The following KCNQ5 variants were observed in gnomAD, a reference collection of about 807,000 sequenced individuals.
KCNQ5 encodes the protein potassium voltage-gated channel subfamily KQT member 5.
A neutral mutation model predicts 98.2 loss-of-function variants in KCNQ5; 30 were observed. That is an observed-to-expected ratio of 0.31 (90% CI 0.23 to 0.41). The LOEUF (loss-of-function observed/expected upper bound fraction) is 0.41. KCNQ5 is among the 10% of genes least tolerant of loss of function. The pLI is 1.00. For missense variants in KCNQ5, 835 were observed against 1,182.5 expected (o/e 0.71, Z 4.31); for synonymous variants, 458 against 449.4 (o/e 1.02, Z -0.24).
intron 1 of KCNQ5, among the ~76,000 whole-genome samples, chr6:72,793,349 C>G (rs575673348): frequency 6.6e-6 from 1 of 152,272 alleles, no homozygotes; most frequent in South Asian, 2.1e-4. Flanking sequence ...GATGGCAGCA[C>G]AGCTTGTGGC....
At position 72,749,640 on chromosome 6, in the gene KCNQ5, A is replaced by G. The variant is rs78450679; in HGVS notation, c.398+127053A>G. Among the ~76,000 whole-genome samples the G allele has an allele frequency of 4.3e-3, 648 of 152,226 alleles. 7 individuals carry two copies. Among genetic ancestry groups the G allele is most frequent in the African/African-American group, 0.015 (606 of 41,550 alleles). ...AGAAAAGGGACAGGGAAATAGTCCAATCATAGGTAGGTGGATGGAAAAATA... is the reference window on the plus strand; with the variant it reads ...AGAAAAGGGACAGGGAAATAGTCCAGTCATAGGTAGGTGGATGGAAAAATA... On this transcript the variant is annotated intron_variant, in intron 1 of 13. Transcript: ENST00000370398.
chr6:72,686,248 G>C (rs922740199), intron 1 of KCNQ5, among the ~76,000 whole-genome samples: 1 of 152,012 alleles, frequency 6.6e-6, no homozygotes, highest in Non-Finnish European at 1.5e-5. Context: ...CTTCACATAG[G>C]GTCCTACCCG....
At chr6:72,728,602 T>C (rs1770402985) in intron 1 of KCNQ5, among the ~76,000 whole-genome samples, 1 of 152,234 alleles carries the variant, frequency 6.6e-6, no homozygotes, top group Non-Finnish European at 1.5e-5. Flanking sequence ...TGCCAGGTCT[T>C]CCTATTCTGG....
intron 1 of KCNQ5, among the ~76,000 whole-genome samples, chr6:72,955,484 A>C (rs1223446738): frequency 2.0e-5 from 3 of 152,192 alleles, no homozygotes; most frequent in Non-Finnish European, 4.4e-5. Flanking sequence ...GAGTGTTGCC[A>C]AAATGCATGC....
chr6:72,956,549 A>AT (rs201696633), intron 1 of KCNQ5, among the ~76,000 whole-genome samples: 9 of 28,378 alleles, frequency 3.2e-4, no homozygotes, highest in African/African-American at 3.1e-4. Flanking sequence ...TCTTTCTTTT[A>AT]TTTTTTTTAT....
intron 1 of KCNQ5, among the ~76,000 whole-genome samples, chr6:72,799,460 G>T (rs989661951): frequency 1.3e-4 from 20 of 152,204 alleles, no homozygotes; most frequent in Admixed American, 3.9e-4. Flanking sequence ...CATGGCTTCT[G>T]GTTTCCTGTT....
At chr6:72,725,857 T>C (rs776810382) in intron 1 of KCNQ5, among the ~76,000 whole-genome samples, 25 of 152,208 alleles carry the variant, frequency 1.6e-4, no homozygotes, top group African/African-American at 2.2e-4. Context: ...AGATAGTGTC[T>C]TTTATTCTTA....
intron 1 of KCNQ5, among the ~76,000 whole-genome samples, chr6:72,805,526 A>G (rs911108810): frequency 2.0e-5 from 3 of 152,050 alleles, no homozygotes; most frequent in South Asian, 2.1e-4. Context: ...CCATTGATCT[A>G]TGTGTCTGTT....
chr6:73,192,629 G>A lies in KCNQ5; in HGVS notation c.1774G>A (p.Ala592Thr). Residue 592 changes from alanine (A) to threonine (T), a missense_variant, in exon 13 of 14, where the codon GCA becomes ACA. This residue lies in a region of KCNQ5 where 416 missense variants were observed against 446.9 expected (regional missense o/e 0.93). Transcript: ENST00000370398. Reference protein sequence around the residue: ...SDKKSREKITAEHETTDDLSM... With the variant: ...SDKKSREKITTEHETTDDLSM... ...TAAGAAGAGCCGAGAGAAAATAACAGCAGAACATGAGACCACAGACGATCT... is the reference window on the plus strand; with the variant it reads ...TAAGAAGAGCCGAGAGAAAATAACAACAGAACATGAGACCACAGACGATCT... The A allele has an allele frequency of 1.9e-6, 3 of 1,612,746 alleles. No homozygotes were observed. The South Asian group carries it at 3.3e-5, about 18-fold the overall frequency.
chr6:73,171,387 T>C (rs949155718), intron 11 of KCNQ5, among the ~76,000 whole-genome samples: 6 of 152,138 alleles, frequency 3.9e-5, no homozygotes, highest in Admixed American at 1.3e-4. Flanking sequence ...ATCAATTATA[T>C]GGTCACCCTA....
At chr6:72,877,077 G>T (rs2150168731) in intron 1 of KCNQ5, among the ~76,000 whole-genome samples, 1 of 151,972 alleles carries the variant, frequency 6.6e-6, no homozygotes, top group African/African-American at 2.4e-5. Flanking sequence ...TTTAATTTCT[G>T]GGATACATGT....
At chr6:72,857,911 C>T (rs1777597913) in intron 1 of KCNQ5, among the ~76,000 whole-genome samples, 2 of 152,170 alleles carry the variant, frequency 1.3e-5, no homozygotes, top group African/African-American at 4.8e-5. Context: ...CTACTATGTG[C>T]TGGGCATTGG....
intron 1 of KCNQ5, among the ~76,000 whole-genome samples, chr6:72,954,638 A>G (rs1247374984): frequency 1.3e-5 from 2 of 152,112 alleles, no homozygotes; most frequent in African/African-American, 4.8e-5. Context: ...CTGGTTATTG[A>G]AAAACTGTCG....
At chr6:72,716,094 C>T (rs987800284) in intron 1 of KCNQ5, among the ~76,000 whole-genome samples, 5 of 152,126 alleles carry the variant, frequency 3.3e-5, no homozygotes, top group African/African-American at 1.2e-4. Context: ...GTTCTTAACT[C>T]AAATGTCATT....
Position 73,060,047 on chromosome 6 carries a change from A to G in KCNQ5, c.617-17275A>G, listed in dbSNP as rs542054036. The stretch of plus-strand genomic sequence containing the variant: ...ACTCCAATGGAATAAAATATTTAAA[A>G]TTGCCACCAAGACCCAGTGGTGCTT... On this transcript the variant is annotated intron_variant, in intron 3 of 13. Coordinates refer to ENST00000370398, the MANE Select transcript of KCNQ5 (RefSeq NM_019842.4). 2.0e-5 allele frequency among the ~76,000 whole-genome samples: 3 copies of G among 152,304 alleles called. No homozygotes were observed. In the South Asian group the frequency reaches 6.2e-4, roughly 32 times the overall value.
rs112741892 is a variant in KCNQ5 at position 72,848,846 on chromosome 6, G to A, written c.399-155062G>A. ...GCACTTCTCCTTGCTGCTGCCATGTGAAGAAGGACGTGTTTGCTTCCCCTT... is the reference window on the plus strand; with the variant it reads ...GCACTTCTCCTTGCTGCTGCCATGTAAAGAAGGACGTGTTTGCTTCCCCTT... On this transcript the variant is annotated intron_variant, in intron 1 of 13. Transcript: ENST00000370398. 3.8e-3 allele frequency among the ~76,000 whole-genome samples: 580 copies of A among 152,214 alleles called. 6 individuals carry two copies. The highest frequency in any genetic ancestry group is 0.013 in the African/African-American group (552 of 41,546).
intron 1 of KCNQ5, among the ~76,000 whole-genome samples, chr6:72,813,207 T>C (rs1215259176): frequency 1.3e-5 from 2 of 152,208 alleles, no homozygotes; most frequent in Non-Finnish European, 2.9e-5. Context: ...AATATATATT[T>C]AAACCAAACA....
intron 1 of KCNQ5, among the ~76,000 whole-genome samples, chr6:72,966,785 T>C (rs1295400778): frequency 6.6e-6 from 1 of 152,176 alleles, no homozygotes; most frequent in Non-Finnish European, 1.5e-5. Context: ...GAGAATTTAC[T>C]CCATACAGAC....
At chr6:72,797,915 C>T (rs1774426166) in intron 1 of KCNQ5, among the ~76,000 whole-genome samples, 1 of 152,048 alleles carries the variant, frequency 6.6e-6, no homozygotes, top group Admixed American at 6.5e-5. Flanking sequence ...TCTTAAATGG[C>T]TCAAATATGA....
Sources: gnomAD v4.1 joint callset for allele counts (sites outside exome capture counted in the v4.1 genomes callset) on GRCh38, gnomAD v4.1.1 for gene constraint, gnomAD v4.1.1 regional missense constraint, MANE v1.5 for transcripts, NCBI Gene and HGNC (gene_info 2026-07-23, HGNC 2026-07-21) for gene names.